The following SCARA5 variants were observed in gnomAD, a reference collection of about 807,000 sequenced individuals.
SCARA5 encodes the protein scavenger receptor class A member 5.
In SCARA5, 45 loss-of-function variants were observed where a neutral mutation model predicts 46.3. The observed-to-expected ratio is 0.97, with a 90% CI of 0.76 to 1.24. The LOEUF (loss-of-function observed/expected upper bound fraction) is 1.24. Ranked by LOEUF, SCARA5 falls within the 50% of genes most tolerant of loss-of-function variation. SCARA5 has a pLI of 0.00. For synonymous variants in SCARA5, 333 were observed against 306.5 expected (o/e 1.09, Z -0.90); for missense variants, 680 against 689.0 (o/e 0.99, Z 0.15).
At chr8:27,909,500 G>A (rs187780712) in intron 5 of SCARA5, among the ~76,000 whole-genome samples, 163 bp downstream of exon 5, 27 of 152,244 alleles carry the variant, frequency 1.8e-4, no homozygotes, top group Non-Finnish European at 3.1e-4. Context: ...GCATCCCACC[G>A]TGACACCAGC....
At chr8:27,966,345 T>C (rs1808367003) in intron 3 of SCARA5, 69 bp downstream of exon 3, 1 of 1,477,832 alleles carries the variant, frequency 6.8e-7, no homozygotes, top group Non-Finnish European at 9.1e-7. Context: ...ACAGTGGGAA[T>C]GAAGAGTGGA....
chr8:27,930,227 C>A (rs574415593), intron 3 of SCARA5, among the ~76,000 whole-genome samples: 1 of 152,070 alleles, frequency 6.6e-6, no homozygotes, highest in Non-Finnish European at 1.5e-5. Flanking sequence ...TCATGGGGAA[C>A]GGTCTTTCTC....
intron 7 of SCARA5, among the ~76,000 whole-genome samples, chr8:27,887,421 C>A (rs1806914473): frequency 1.3e-5 from 2 of 152,088 alleles, no homozygotes; most frequent in South Asian, 4.1e-4. Flanking sequence ...TCATGGTTTG[C>A]AAGTTAAGAG....
At chr8:27,885,163 G>T (rs546262287) in intron 7 of SCARA5, among the ~76,000 whole-genome samples, 1 of 152,168 alleles carries the variant, frequency 6.6e-6, no homozygotes. Flanking sequence ...TACTGTCTTG[G>T]ACAAGTGAAC....
Position 27,872,212 on chromosome 8 carries a change from C to T in SCARA5, c.1352-142G>A, listed in dbSNP as rs949752088. The T allele has an allele frequency of 1.1e-5, 8 of 722,572 alleles. No homozygotes were observed. The African/African-American group carries it at 1.2e-4, about 11-fold the overall frequency. 44.8% of individuals were successfully genotyped at this position (722,572 alleles called of 1,614,324 possible). The stretch of plus-strand genomic sequence containing the variant: ...CTTCCAGCTGCCCTCTCCACGCCCC[C>T]CGAAGACCTCATACTTATTTTCTGG... On this transcript the variant is annotated intron_variant, in intron 8 of 8. Transcript: ENST00000354914.
At chr8:27,904,651 G>A in intron 7 of SCARA5, 127 bp downstream of exon 7, 1 of 862,030 alleles carries the variant, frequency 1.2e-6, no homozygotes, top group South Asian at 1.3e-5. Flanking sequence ...AAGGTAGGGA[G>A]CCTCCTTTGA....
chr8:27,970,515 T>C (rs1342062060), intron 2 of SCARA5, among the ~76,000 whole-genome samples: 1 of 152,228 alleles, frequency 6.6e-6, no homozygotes, highest in Non-Finnish European at 1.5e-5. Context: ...TAGAAGTTTC[T>C]GCATAAACTG....
rs770533763 is a variant in SCARA5 at position 27,922,229 on chromosome 8, G to C, written c.258C>G (p.Ser86Arg). The C allele has an allele frequency of 1.9e-6, 3 of 1,572,514 alleles. No individual in the cohort carries two copies. The highest frequency in any genetic ancestry group is 8.6e-7 in the Non-Finnish European group (1 of 1,157,912). ...IFILAVSRPR[S>R]SPDDLKALTR... is the part of the protein sequence containing the mutation. ...TCAGGGCCTTCAGGTCGTCAGGGGA[G>C]CTGCGCGGCCTGGACACTGCGGAGG... The change falls in exon 4 of 9, where the codon AGC becomes AGG. Residue 86 changes from serine (S) to arginine (R), a missense_variant. Ser to Arg is a moderately radical substitution (Grantham distance 110). Around this residue, in one of 3 missense-constraint regions of SCARA5, gnomAD observed 438 missense variants for 384.5 expected, o/e 1.14. Transcript: ENST00000354914.
chr8:27,951,477 T>G (rs10866867), intron 3 of SCARA5, among the ~76,000 whole-genome samples: 107,199 of 152,118 alleles, frequency 0.7, 38,256 homozygotes, highest in South Asian at 0.88. Context: ...TGGTGACCAT[T>G]GATGTGTCAA....
chr8:27,982,085 C>T (rs890699112), intron 2 of SCARA5, among the ~76,000 whole-genome samples: 4 of 152,156 alleles, frequency 2.6e-5, no homozygotes, highest in African/African-American at 4.8e-5. Flanking sequence ...GCGAGCGGCC[C>T]GGCTGCAGGC....
chr8:27,970,428 T>A (rs757658180), intron 2 of SCARA5, among the ~76,000 whole-genome samples: 1 of 152,242 alleles, frequency 6.6e-6, no homozygotes, highest in Non-Finnish European at 1.5e-5. Context: ...TGTTTACCAT[T>A]GCCATGGCAA....
chr8:27,917,075 C>A (rs1043424637), intron 4 of SCARA5, among the ~76,000 whole-genome samples: 1 of 152,166 alleles, frequency 6.6e-6, no homozygotes, highest in Non-Finnish European at 1.5e-5. Flanking sequence ...ACTCTGCTGG[C>A]CCCTGGATTT....
At chr8:27,982,025 T>C (rs1808623643) in intron 2 of SCARA5, among the ~76,000 whole-genome samples, 1 of 152,094 alleles carries the variant, frequency 6.6e-6, no homozygotes, top group Non-Finnish European at 1.5e-5. Flanking sequence ...GAGGATATTT[T>C]CATTTTATGG....
intron 8 of SCARA5, 56 bp from the exon 9 acceptor site, chr8:27,872,126 AAG>A: frequency 6.3e-7 from 1 of 1,591,668 alleles, no homozygotes; most frequent in African/African-American, 1.3e-5. Flanking sequence ...CGAGAAGGAG[AAG>A]AGAGAGCATA....
chr8:27,966,626 C>T, intron 2 of SCARA5, 84 bp from the exon 3 acceptor site: 10 of 1,392,204 alleles, frequency 7.2e-6, no homozygotes, highest in Non-Finnish European at 9.7e-6. Flanking sequence ...TCATCTCTCC[C>T]TGATGCATGC....
intron 8 of SCARA5, among the ~76,000 whole-genome samples, chr8:27,876,569 T>G (rs1199689157): frequency 6.6e-6 from 1 of 151,664 alleles, no homozygotes; most frequent in Non-Finnish European, 1.5e-5. Flanking sequence ...CAGGATCTGG[T>G]GGGAAGGATA....
chr8:27,970,374 G>A (rs954817760), intron 2 of SCARA5, among the ~76,000 whole-genome samples: 2 of 152,152 alleles, frequency 1.3e-5, no homozygotes, highest in African/African-American at 2.4e-5. Flanking sequence ...GACGAGGCAG[G>A]AGCAGCTTTT....
At chr8:27,875,207 C>A (rs1349863847) in intron 8 of SCARA5, among the ~76,000 whole-genome samples, 1 of 94,706 alleles carries the variant, frequency 1.1e-5, no homozygotes, top group African/African-American at 3.1e-5. Context: ...TCACTCCTCC[C>A]TCCCTCCCTC....
chr8:27,986,563 A>G (rs918550386), intron 2 of SCARA5, among the ~76,000 whole-genome samples: 2 of 152,226 alleles, frequency 1.3e-5, no homozygotes, highest in Non-Finnish European at 2.9e-5. Flanking sequence ...CTGGGTGAGC[A>G]GGTTCATTGG....
Sources: allele counts gnomAD v4.1 joint callset (sites outside exome capture counted in the v4.1 genomes callset), GRCh38; gene constraint gnomAD v4.1.1; regional missense constraint gnomAD v4.1.1; transcripts MANE v1.5; gene names NCBI Gene and HGNC (gene_info 2026-07-23, HGNC 2026-07-21).